Variants in KANSL1L observed in about 807,000 individuals in gnomAD.
The protein encoded by KANSL1L is KAT8 regulatory NSL complex subunit 1 like.
Under a neutral mutation model 108.6 loss-of-function variants are expected in KANSL1L, and 25 were observed. The observed-to-expected ratio is 0.23, with a 90% CI of 0.17 to 0.32. KANSL1L has a LOEUF of 0.32. KANSL1L is among the 10% of genes least tolerant of loss of function. The pLI is 1.00. For synonymous variants in KANSL1L, 405 were observed against 395.1 expected (o/e 1.03, Z -0.30); for missense variants, 1,137 against 1,125.7 (o/e 1.01, Z -0.14).
chr2:210,145,154 C>G (rs1313866044), intron 2 of KANSL1L, among the ~76,000 whole-genome samples: 1 of 152,206 alleles, frequency 6.6e-6, no homozygotes, highest in Non-Finnish European at 1.5e-5. Flanking sequence ...TTATTGGGTG[C>G]TCCAGTCACG....
At position 210,129,012 on chromosome 2, in the gene KANSL1L, G is replaced by C; in HGVS notation, c.1230+19C>G. On this transcript the variant is annotated intron_variant, in intron 3 of 14. Transcript: ENST00000281772. ...TTAACAATTTTTAACAAAAGTAGAA[G>C]AACACAGACAGACAATACCTTGGAG... The C allele has an allele frequency of 6.3e-7, 1 of 1,594,810 alleles. No individual in the cohort carries two copies. Among genetic ancestry groups the C allele is most frequent in the Non-Finnish European group, 8.6e-7 (1 of 1,166,110 alleles).
At position 210,044,447 on chromosome 2, in the gene KANSL1L, A is replaced by T. The variant is rs922557980; in HGVS notation, c.1756-343T>A. Among the ~76,000 whole-genome samples the T allele has an allele frequency of 5.3e-5, 8 of 150,600 alleles. No individual in the cohort carries two copies. Among genetic ancestry groups the T allele is most frequent in the Admixed American group, 2.6e-4 (4 of 15,160 alleles). On this transcript the variant is annotated intron_variant, in intron 6 of 14. Transcript: ENST00000281772. This position sits in a 1 kb window ranked among gnomAD's most constrained non-coding sequence, Gnocchi z 4.2. ...CTTCAATCCTACTAGTTTTTTTTTT[A>T]GGGAGTTCCAACCATGCTGGATGGG... is the stretch of plus-strand genomic sequence containing the variant.
intron 1 of KANSL1L, among the ~76,000 whole-genome samples, chr2:210,161,389 GAA>G (rs1279686646): frequency 6.6e-5 from 10 of 152,222 alleles, no homozygotes; most frequent in African/African-American, 2.4e-4. Flanking sequence ...AAAAAAAAAT[GAA>G]ACTGAATACG....
At chr2:210,113,387 T>A (rs2094926861) in intron 3 of KANSL1L, among the ~76,000 whole-genome samples, 1 of 152,236 alleles carries the variant, frequency 6.6e-6, no homozygotes, top group East Asian at 1.9e-4. Context: ...GGCTTATTCT[T>A]GCCACACCGA....
chr2:210,058,375 G>A (rs929898944), intron 6 of KANSL1L, among the ~76,000 whole-genome samples: 13 of 152,056 alleles, frequency 8.5e-5, no homozygotes, highest in Middle Eastern at 3.2e-3. Context: ...ATGCGTGCCC[G>A]AAACTTCATT....
At chr2:210,028,188 A>G (rs1439913363) in intron 11 of KANSL1L, among the ~76,000 whole-genome samples, 1 of 152,144 alleles carries the variant, frequency 6.6e-6, no homozygotes, top group Admixed American at 6.5e-5. Context: ...CTAGCCTTCC[A>G]TTATCAATCT....
In KANSL1L at chr2:210,153,572, CTCT is replaced by C; in HGVS notation, c.1008_1010del (p.Glu337del). On this transcript the variant is annotated inframe_deletion, in exon 2 of 15. Coordinates refer to ENST00000281772, the MANE Select transcript of KANSL1L (RefSeq NM_152519.4). ...TATCAGTTGCATCGGAATCCAAACC[CTCT>C]TCAACATGAGACAACAGCCCTGTAG... The C allele has an allele frequency of 6.2e-7, 1 of 1,614,104 alleles. No individual in the cohort carries two copies. Among genetic ancestry groups the C allele is most frequent in the Non-Finnish European group, 8.5e-7 (1 of 1,179,998 alleles).
chr2:210,129,288 T>A, intron 2 of KANSL1L, 116 bp from the exon 3 acceptor site: 2 of 770,378 alleles, frequency 2.6e-6, no homozygotes, highest in Non-Finnish European at 3.9e-6. Flanking sequence ...CTACAACATG[T>A]AATTACAGGA....
At chr2:210,029,565 A>G (rs1046539312) in intron 10 of KANSL1L, among the ~76,000 whole-genome samples, 4 of 152,122 alleles carry the variant, frequency 2.6e-5, no homozygotes, top group African/African-American at 9.7e-5. Context: ...GATCATGATA[A>G]TGTTTAAATT....
At chr2:210,133,052 C>G (rs1310914853) in intron 2 of KANSL1L, among the ~76,000 whole-genome samples, 2 of 152,042 alleles carry the variant, frequency 1.3e-5, no homozygotes, top group Non-Finnish European at 2.9e-5. Flanking sequence ...AGCGATTAGC[C>G]TATTTAGCTT....
chr2:210,082,061 G>A (rs540381392), intron 5 of KANSL1L, among the ~76,000 whole-genome samples: 6 of 152,288 alleles, frequency 3.9e-5, no homozygotes, highest in African/African-American at 9.6e-5. Flanking sequence ...AGGCCTCTGA[G>A]TAGCTGGGAC....
At chr2:210,030,167 C>A (rs1422313910) in intron 9 of KANSL1L, among the ~76,000 whole-genome samples, 4 of 151,502 alleles carry the variant, frequency 2.6e-5, no homozygotes, top group Non-Finnish European at 5.9e-5. Flanking sequence ...CCTGAATAAT[C>A]CCTCATCTCA....
intron 5 of KANSL1L, among the ~76,000 whole-genome samples, chr2:210,083,120 T>C (rs1029424053): frequency 6.6e-6 from 1 of 152,142 alleles, no homozygotes; most frequent in Non-Finnish European, 1.5e-5. Context: ...GTGATGTGTG[T>C]ATGTCTTACA....
Position 210,027,289 on chromosome 2 carries a change from A to G in KANSL1L, c.2451+7T>C, listed in dbSNP as rs1304558512. 18 of 1,589,528 alleles carry G rather than the reference A, an allele frequency of 1.1e-5. No homozygotes were observed. Among genetic ancestry groups the G allele is most frequent in the Non-Finnish European group, 1.6e-5 (18 of 1,157,708 alleles). On this transcript the variant is annotated splice_region_variant and intron_variant, in intron 12 of 14. Coordinates refer to ENST00000281772, the MANE Select transcript of KANSL1L (RefSeq NM_152519.4). Reference sequence around the variant, plus strand: ...GCAATTATCCCATTAAATGAAAGGCAGCTTACCTCTTCTTTGCCTAAATTA... The same window carrying G: ...GCAATTATCCCATTAAATGAAAGGCGGCTTACCTCTTCTTTGCCTAAATTA...
At chr2:210,099,587 C>T (rs2094772692) in intron 4 of KANSL1L, among the ~76,000 whole-genome samples, 1 of 152,104 alleles carries the variant, frequency 6.6e-6, no homozygotes, top group Admixed American at 6.5e-5. Context: ...ATTCTTTATC[C>T]ATTTAGCAAG....
intron 2 of KANSL1L, among the ~76,000 whole-genome samples, chr2:210,145,360 T>C (rs112218413): frequency 2.0e-5 from 3 of 152,260 alleles, no homozygotes; most frequent in African/African-American, 7.2e-5. Flanking sequence ...GAACCATGGC[T>C]CCAGGGTCTA....
chr2:210,065,515 G>C (rs10932317), intron 6 of KANSL1L, among the ~76,000 whole-genome samples: 368 of 150,394 alleles, frequency 2.4e-3, no homozygotes, highest in Non-Finnish European at 3.9e-3. Context: ...GGATGAGACT[G>C]TAAGACCCTT....
chr2:210,052,244 C>G (rs1212355515), intron 6 of KANSL1L, among the ~76,000 whole-genome samples: 1 of 152,036 alleles, frequency 6.6e-6, no homozygotes, highest in African/African-American at 2.4e-5. Context: ...CTTAAGAGAT[C>G]CTCCTACTTC....
At chr2:210,050,316 A>G (rs1002831919) in intron 6 of KANSL1L, among the ~76,000 whole-genome samples, 1 of 152,234 alleles carries the variant, frequency 6.6e-6, no homozygotes, top group African/African-American at 2.4e-5. Context: ...ACCTAACCCT[A>G]TCAAAATTAC....
Sources: gnomAD v4.1 joint callset for allele counts (sites outside exome capture counted in the v4.1 genomes callset) on GRCh38, gnomAD v4.1.1 for gene constraint, Gnocchi (gnomAD v3.1) non-coding constraint, MANE v1.5 for transcripts, NCBI Gene and HGNC (gene_info 2026-07-23, HGNC 2026-07-21) for gene names.